Variants in GRM5 observed in about 807,000 individuals in gnomAD.
GRM5 encodes metabotropic glutamate receptor 5.
In GRM5, 19 loss-of-function variants were observed where a neutral mutation model predicts 83.1. That is an observed-to-expected ratio of 0.23 (90% CI 0.16 to 0.34). GRM5 has a LOEUF of 0.34. Among genes scored for constraint, GRM5 ranks in the 10% least tolerant of loss-of-function variants. The pLI, the probability that GRM5 is intolerant of heterozygous loss-of-function variation, is 1.00. For missense variants in GRM5, 1,160 were observed against 1,588.3 expected (o/e 0.73, Z 4.58); for synonymous variants, 675 against 633.6 (o/e 1.07, Z -0.98).
chr11:88,684,024 C>A (rs867877388), intron 3 of GRM5, among the ~76,000 whole-genome samples: 1 of 151,960 alleles, frequency 6.6e-6, no homozygotes, highest in South Asian at 2.1e-4. Flanking sequence ...TGAACTAAGA[C>A]CAAAAAAATT....
At chr11:88,846,933 T>A (rs1944311771) in intron 3 of GRM5, among the ~76,000 whole-genome samples, 1 of 152,180 alleles carries the variant, frequency 6.6e-6, no homozygotes, top group South Asian at 2.1e-4. Context: ...ATGTAGAACC[T>A]AGGGTTTGCT....
chr11:88,663,883 G>T (rs1281050667), intron 3 of GRM5, among the ~76,000 whole-genome samples: 1 of 152,074 alleles, frequency 6.6e-6, no homozygotes, highest in Non-Finnish European at 1.5e-5. Flanking sequence ...AATAAGACAG[G>T]CTTCAAGAGG....
intron 1 of GRM5, among the ~76,000 whole-genome samples, chr11:89,062,968 T>C (rs1942024613): frequency 6.6e-6 from 1 of 152,240 alleles, no homozygotes; most frequent in Non-Finnish European, 1.5e-5. Flanking sequence ...GCGGGAGGGC[T>C]CAGGCTGGTG....
intron 2 of GRM5, among the ~76,000 whole-genome samples, chr11:89,005,356 G>A (rs1940495664): frequency 6.6e-6 from 1 of 152,172 alleles, no homozygotes; most frequent in Non-Finnish European, 1.5e-5. Context: ...AATAACAGGA[G>A]TCAGGAAGAA....
In GRM5 at chr11:88,554,945, A is replaced by G. The variant is rs185728322; in HGVS notation, c.2630+12108T>C. Reference sequence around the variant, plus strand: ...TAGAGTTTAATGAATCTGCAAAACAAAAGTTTGAATATGGAGCAAACAGGA... The same window carrying G: ...TAGAGTTTAATGAATCTGCAAAACAGAAGTTTGAATATGGAGCAAACAGGA... On this transcript the variant is annotated intron_variant, in intron 8 of 9. Transcript: ENST00000305447. 6.8e-4 allele frequency among the ~76,000 whole-genome samples: 104 copies of G among 152,280 alleles called. 1 individual carries two copies. The highest frequency in any genetic ancestry group is 3.4e-3 in the Middle Eastern group (1 of 294).
At chr11:88,701,545 A>T (rs1435677335) in intron 3 of GRM5, among the ~76,000 whole-genome samples, 1 of 152,140 alleles carries the variant, frequency 6.6e-6, no homozygotes, top group African/African-American at 2.4e-5. Context: ...CTTGCTTTGT[A>T]TATTTTCCCT....
intron 2 of GRM5, among the ~76,000 whole-genome samples, chr11:89,001,851 C>T (rs1940392960): frequency 6.6e-6 from 1 of 152,096 alleles, no homozygotes; most frequent in East Asian, 1.9e-4. Context: ...TCACATTAAT[C>T]ATAATTATGT....
chr11:88,871,461 A>G (rs928999339), intron 2 of GRM5, among the ~76,000 whole-genome samples: 1 of 151,600 alleles, frequency 6.6e-6, no homozygotes, highest in African/African-American at 2.4e-5. Flanking sequence ...CCATAATGCA[A>G]ATAAAGATAA....
intron 2 of GRM5, among the ~76,000 whole-genome samples, chr11:89,001,780 A>T (rs10765821): frequency 0.53 from 80,481 of 151,982 alleles, 21,434 homozygotes; most frequent in South Asian, 0.66. Flanking sequence ...AGGGTTTACT[A>T]TAAAAGGGTC....
intron 3 of GRM5, among the ~76,000 whole-genome samples, chr11:88,844,933 A>T (rs527769289): frequency 6.6e-6 from 1 of 152,226 alleles, no homozygotes; most frequent in Non-Finnish European, 1.5e-5. Context: ...TCAGCAAAGA[A>T]AGTGGTTTCT....
chr11:88,681,141 A>C (rs927593563), intron 3 of GRM5, among the ~76,000 whole-genome samples: 4 of 152,068 alleles, frequency 2.6e-5, no homozygotes, highest in African/African-American at 9.7e-5. Context: ...GAATTTCACC[A>C]TTTCACCCTT....
At chr11:88,615,765 C>T (rs982655561) in intron 4 of GRM5, among the ~76,000 whole-genome samples, 1 of 151,170 alleles carries the variant, frequency 6.6e-6, no homozygotes, top group Admixed American at 6.6e-5. Context: ...TTTGTTAATA[C>T]GTTAGTCTCA....
At chr11:88,611,428 C>T (rs1938313120) in intron 4 of GRM5, among the ~76,000 whole-genome samples, 1 of 151,984 alleles carries the variant, frequency 6.6e-6, no homozygotes, top group Non-Finnish European at 1.5e-5. Flanking sequence ...TTTATTTCTT[C>T]CTGGTTCAAT....
At chr11:88,648,231 T>C in intron 4 of GRM5, among the ~76,000 whole-genome samples, 1 of 148,628 alleles carries the variant, frequency 6.7e-6, no homozygotes, top group South Asian at 2.1e-4. Context: ...TTATTCACAA[T>C]AGCAAAGACT....
chr11:89,040,584 C>A (rs1320516259), intron 2 of GRM5, among the ~76,000 whole-genome samples: 1 of 152,000 alleles, frequency 6.6e-6, no homozygotes, highest in Non-Finnish European at 1.5e-5. Context: ...GCTTGTAGTC[C>A]CAGATACTTG....
At chr11:88,571,768 G>T (rs1359424398) in intron 7 of GRM5, among the ~76,000 whole-genome samples, 1 of 152,086 alleles carries the variant, frequency 6.6e-6, no homozygotes, top group African/African-American at 2.4e-5. Context: ...CTTACTTAAG[G>T]CTTTTTATAA....
chr11:88,885,672 TA>T (rs1333267314), intron 2 of GRM5, among the ~76,000 whole-genome samples: 3 of 151,058 alleles, frequency 2.0e-5, no homozygotes, highest in East Asian at 1.9e-4. Context: ...GCAGTTCTCA[TA>T]AAAAAAAATC....
At chr11:88,718,715 T>G (rs896006771) in intron 3 of GRM5, among the ~76,000 whole-genome samples, 1 of 151,984 alleles carries the variant, frequency 6.6e-6, no homozygotes, top group Non-Finnish European at 1.5e-5. Context: ...TGATTTTGCT[T>G]CTATACCTAC....
intron 2 of GRM5, among the ~76,000 whole-genome samples, chr11:89,012,418 C>T (rs1220824088): frequency 6.6e-5 from 10 of 152,264 alleles, no homozygotes; most frequent in Admixed American, 4.6e-4. Context: ...ATCAAGCTCC[C>T]GTGAGCAGAG....
Sources: gnomAD v4.1 joint callset for allele counts (sites outside exome capture counted in the v4.1 genomes callset) on GRCh38, gnomAD v4.1.1 for gene constraint, MANE v1.5 for transcripts, NCBI Gene and HGNC (gene_info 2026-07-23, HGNC 2026-07-21) for gene names.